SPAG16: variants seen among roughly 807,000 people sequenced by gnomAD.
SPAG16 encodes the protein sperm-associated antigen 16 protein.
A neutral mutation model predicts 80.4 loss-of-function variants in SPAG16; 86 were observed. The observed-to-expected ratio is 1.07, with a 90% CI of 0.90 to 1.28. SPAG16 has a LOEUF of 1.28. Ranked by LOEUF, SPAG16 falls within the 50% of genes most tolerant of loss-of-function variation. The probability of loss-of-function intolerance (pLI) is 0.00; values close to 1 mark genes in which losing one functional copy is unlikely to be tolerated. For missense variants in SPAG16, 870 were observed against 765.3 expected, an observed-to-expected ratio of 1.14 and a Z score of -1.61; for synonymous variants, 294 against 265.9, an observed-to-expected ratio of 1.11 and a Z score of -1.03.
intron 15 of SPAG16, among the ~76,000 whole-genome samples, chr2:214,322,509 C>CAA (rs34616486): frequency 0.59 from 80,540 of 136,686 alleles, 26,058 homozygotes; most frequent in South Asian, 0.74. Context: ...TCACCTTAGG[C>CAA]AAAAAAAAAA....
intron 9 of SPAG16, among the ~76,000 whole-genome samples, chr2:213,464,743 A>G (rs990480634): frequency 6.6e-6 from 1 of 152,152 alleles, no homozygotes; most frequent in Non-Finnish European, 1.5e-5. Flanking sequence ...GACCTGTTTG[A>G]CCATTTTTAC....
intron 13 of SPAG16, among the ~76,000 whole-genome samples, chr2:214,077,977 A>G (rs1256690066): frequency 6.6e-6 from 1 of 152,136 alleles, no homozygotes; most frequent in Non-Finnish European, 1.5e-5. Context: ...CTGGGCTTGC[A>G]TCTCTTAAGT....
At chr2:214,273,300 A>G (rs1221478525) in intron 15 of SPAG16, among the ~76,000 whole-genome samples, 1 of 152,072 alleles carries the variant, frequency 6.6e-6, no homozygotes, top group African/African-American at 2.4e-5. Flanking sequence ...GTTTAATCAG[A>G]TCCCATTTGT....
At chr2:213,956,769 A>G (rs550285576) in intron 12 of SPAG16, among the ~76,000 whole-genome samples, 1 of 152,138 alleles carries the variant, frequency 6.6e-6, no homozygotes, top group East Asian at 1.9e-4. Context: ...TTTTTAATGT[A>G]TGCATGTATA....
chr2:213,284,782 G>C (rs769756109), intron 1 of SPAG16, 163 bp downstream of exon 1: 8 of 1,032,538 alleles, frequency 7.7e-6, no homozygotes, highest in Non-Finnish European at 6.8e-6. Flanking sequence ...GTCTTCCTGA[G>C]AGCCACTCAC....
chr2:213,696,414 G>A (rs769329886), intron 10 of SPAG16, among the ~76,000 whole-genome samples: 45 of 152,094 alleles, frequency 3.0e-4, no homozygotes, highest in Non-Finnish European at 5.7e-4. Flanking sequence ...CTTGTGGGTG[G>A]TAAAGCCATG....
chr2:214,219,286 T>C (rs951113140), intron 15 of SPAG16, among the ~76,000 whole-genome samples: 3 of 152,150 alleles, frequency 2.0e-5, no homozygotes. Context: ...AATCTATTTT[T>C]AGGAGAAACT....
At chr2:213,753,446 C>G (rs1331582587) in intron 10 of SPAG16, among the ~76,000 whole-genome samples, 3 of 152,180 alleles carry the variant, frequency 2.0e-5, no homozygotes, top group African/African-American at 7.2e-5. Flanking sequence ...TAAGATATTT[C>G]TCAGGCCAGG....
chr2:213,620,731 CTCTG>C (rs1174359787), intron 10 of SPAG16, among the ~76,000 whole-genome samples: 1 of 152,102 alleles, frequency 6.6e-6, no homozygotes, highest in Non-Finnish European at 1.5e-5. Context: ...TGAAATATCA[CTCTG>C]TAACCATAAA....
chr2:213,359,566 T>C (rs1403127217), intron 7 of SPAG16, among the ~76,000 whole-genome samples: 1 of 152,174 alleles, frequency 6.6e-6, no homozygotes, highest in East Asian at 1.9e-4. Flanking sequence ...TCTGTGGGCG[T>C]CGGACCTGCT....
chr2:213,818,530 G>A (rs1582838), intron 10 of SPAG16, among the ~76,000 whole-genome samples: 147,622 of 152,318 alleles, frequency 0.97, 71,709 homozygotes, highest in East Asian at 1. Flanking sequence ...ATGTATATAT[G>A]AATAAACTTT....
chr2:213,541,221 G>A (rs2076435627), intron 10 of SPAG16, among the ~76,000 whole-genome samples: 1 of 152,150 alleles, frequency 6.6e-6, no homozygotes, highest in African/African-American at 2.4e-5. Flanking sequence ...GATGGATTTG[G>A]GGAGAAAACC....
intron 15 of SPAG16, among the ~76,000 whole-genome samples, chr2:214,178,971 A>G (rs113998629): frequency 0.014 from 2,101 of 151,382 alleles, 47 homozygotes; most frequent in African/African-American, 0.047. Context: ...TGACGTATGA[A>G]CATTTCTTTT....
chr2:213,598,518 A>G (rs2060955180), intron 10 of SPAG16, among the ~76,000 whole-genome samples: 1 of 152,222 alleles, frequency 6.6e-6, no homozygotes, highest in Non-Finnish European at 1.5e-5. Flanking sequence ...ACTGGGAAGA[A>G]TTCCAGATGA....
intron 1 of SPAG16, among the ~76,000 whole-genome samples, chr2:213,294,151 G>A (rs975421240): frequency 6.6e-6 from 1 of 152,068 alleles, no homozygotes; most frequent in African/African-American, 2.4e-5. Context: ...ATTTTTTTTA[G>A]ATTCCACATA....
rs574354893 is a variant in SPAG16 at position 214,212,278 on chromosome 2, C to T, written c.1720+63012C>T. Among the ~76,000 whole-genome samples the T allele has an allele frequency of 7.9e-5, 12 of 152,186 alleles. No homozygotes were observed. The South Asian group carries it at 8.3e-4, about 11-fold the overall frequency. On this transcript the variant is annotated intron_variant, in intron 15 of 15. Coordinates refer to ENST00000331683, the MANE Select transcript of SPAG16 (RefSeq NM_024532.5). Reference sequence around the variant, plus strand: ...TTGTCTTTTATCTACCAGAACTGCTCATCACCCAGACCTACAAGTGATCCC... The same window carrying T: ...TTGTCTTTTATCTACCAGAACTGCTTATCACCCAGACCTACAAGTGATCCC...
intron 9 of SPAG16, among the ~76,000 whole-genome samples, chr2:213,466,517 G>A (rs577813550): frequency 2.0e-5 from 3 of 152,262 alleles, no homozygotes; most frequent in Admixed American, 2.0e-4. Context: ...ATCATGTAAT[G>A]CCCAAGAACC....
chr2:214,353,478 C>G (rs1205603083), intron 15 of SPAG16, among the ~76,000 whole-genome samples: 2 of 152,156 alleles, frequency 1.3e-5, no homozygotes, highest in African/African-American at 2.4e-5. Context: ...CAGAATCAAT[C>G]TGCAAGAGAT....
intron 11 of SPAG16, among the ~76,000 whole-genome samples, chr2:213,903,652 C>T (rs1252500402): frequency 6.6e-6 from 1 of 152,166 alleles, no homozygotes; most frequent in Non-Finnish European, 1.5e-5. Context: ...TCCTCATTGT[C>T]TTGGGGATTA....
Sources: allele counts gnomAD v4.1 joint callset (sites outside exome capture counted in the v4.1 genomes callset), GRCh38; gene constraint gnomAD v4.1.1; transcripts MANE v1.5; gene names NCBI Gene and HGNC (gene_info 2026-07-23, HGNC 2026-07-21).